SYNE1: variants seen among roughly 807,000 people sequenced by gnomAD.
SYNE1 encodes spectrin repeat containing nuclear envelope protein 1.
SYNE1 carries 616 observed loss-of-function variants against 1,111.0 expected under a neutral mutation model. The observed-to-expected ratio is 0.55, with a 90% CI of 0.52 to 0.59. The LOEUF (loss-of-function observed/expected upper bound fraction) is 0.59, where lower values mean the gene tolerates loss of function less well. SYNE1 is among the 20% of genes least tolerant of loss of function. The pLI is 0.00. For missense variants in SYNE1, 10,006 were observed against 10,417.0 expected, an observed-to-expected ratio of 0.96 and a Z score of 1.72; for synonymous variants, 3,855 against 3,825.8, an observed-to-expected ratio of 1.01 and a Z score of -0.28.
chr6:152,166,720 G>T (rs556341282), intron 130 of SYNE1, among the ~76,000 whole-genome samples: 1 of 152,148 alleles, frequency 6.6e-6, no homozygotes, highest in Non-Finnish European at 1.5e-5. Flanking sequence ...TAGTAAAGTC[G>T]ACGGGGGTGA....
chr6:152,596,309 C>A (rs2099581658), intron 3 of SYNE1, among the ~76,000 whole-genome samples: 1 of 147,040 alleles, frequency 6.8e-6, no homozygotes, highest in Non-Finnish European at 1.5e-5. Flanking sequence ...ACTGTGTTGC[C>A]CAGGCGATCT....
chr6:152,535,993 A>G (rs1398794699), intron 4 of SYNE1, among the ~76,000 whole-genome samples: 1 of 152,092 alleles, frequency 6.6e-6, no homozygotes, highest in East Asian at 1.9e-4. Flanking sequence ...AATTCCTTCA[A>G]ATTTAAGTCC....
chr6:152,453,653 T>C lies in SYNE1; in HGVS notation c.2960A>G (p.Asp987Gly), dbSNP rs1196460945. The change falls in exon 25 of 146, where the codon GAC becomes GGC. Residue 987 changes from aspartate to glycine, a missense_variant. Physicochemically the swap from Asp to Gly is moderately conservative, Grantham distance 94 (BLOSUM62 -1). Coordinates refer to ENST00000367255, the MANE Select transcript of SYNE1 (RefSeq NM_182961.4). ...AFLKACDELT[D>G]ILPEQEQQGL... ...CTGCTGCTCCTGCTCTGGAAGGATGTCGGTGAGTTCATCACAAGCTTTCAG... is the reference window on the plus strand; with the variant it reads ...CTGCTGCTCCTGCTCTGGAAGGATGCCGGTGAGTTCATCACAAGCTTTCAG... 1.9e-6 allele frequency: 3 copies of C among 1,614,216 alleles called. No individual in the cohort carries two copies. The highest frequency in any genetic ancestry group is 2.5e-6 in the Non-Finnish European group (3 of 1,180,040).
intron 77 of SYNE1, among the ~76,000 whole-genome samples, chr6:152,333,400 T>C (rs2096295509): frequency 6.6e-6 from 1 of 152,196 alleles, no homozygotes. Flanking sequence ...CATGAATTCA[T>C]AGATGATATC....
chr6:152,462,884 G>A lies in SYNE1; in HGVS notation c.2104C>T (p.Gln702Ter). The A allele has an allele frequency of 6.2e-7, 1 of 1,613,820 alleles. No individual in the cohort carries two copies. Among genetic ancestry groups the A allele is most frequent in the Non-Finnish European group, 8.5e-7 (1 of 1,179,882 alleles). Reference sequence around the variant, plus strand: ...TTCATTCTGTCCATCTCATCAGCTTGAGCATACTGTTAAGGAAAGGGAGGA... The same window carrying A: ...TTCATTCTGTCCATCTCATCAGCTTAAGCATACTGTTAAGGAAAGGGAGGA... The part of the protein sequence containing the change: ...ELFMEVKQYA[Q>*]ADEMDRMKKE... The change falls in exon 20 of 146, where the codon CAA becomes TAA. Residue 702 changes from glutamine to a stop codon, truncating the protein, a stop_gained. Coordinates refer to ENST00000367255, the MANE Select transcript of SYNE1 (RefSeq NM_182961.4). LOFTEE classifies it high-confidence loss of function.
chr6:152,446,106 CA>C (rs1372989178), intron 29 of SYNE1, among the ~76,000 whole-genome samples: 6 of 129,166 alleles, frequency 4.6e-5, no homozygotes, highest in African/African-American at 6.1e-5. Context: ...TAAAGACAGT[CA>C]ATTTTTTTTT....
chr6:152,202,787 A>G (rs1381416561), intron 126 of SYNE1, among the ~76,000 whole-genome samples: 1 of 152,144 alleles, frequency 6.6e-6, no homozygotes, highest in Non-Finnish European at 1.5e-5. Flanking sequence ...AAAAAAAAAG[A>G]GGATATGGCA....
chr6:152,474,241 C>T (rs911286232), intron 14 of SYNE1, among the ~76,000 whole-genome samples: 14 of 152,046 alleles, frequency 9.2e-5, no homozygotes, highest in Admixed American at 7.2e-4. Flanking sequence ...TCTGAAAGGC[C>T]ATCTCACTAT....
intron 128 of SYNE1, 84 bp from the exon 129 acceptor site, chr6:152,180,378 A>G: frequency 7.6e-7 from 1 of 1,320,610 alleles, no homozygotes; most frequent in Non-Finnish European, 1.1e-6. Flanking sequence ...ATAAACTAGG[A>G]CTAAAATGAA....
intron 127 of SYNE1, among the ~76,000 whole-genome samples, chr6:152,198,513 A>T (rs867883606): frequency 1.3e-5 from 2 of 152,360 alleles, no homozygotes; most frequent in Middle Eastern, 3.4e-3. Flanking sequence ...GTGGCACAAG[A>T]GGCCTAGCTT....
intron 14 of SYNE1, chr6:152,478,625 T>C (rs1030612663): frequency 2.6e-5 from 4 of 152,362 alleles, no homozygotes; most frequent in African/African-American, 7.2e-5. Flanking sequence ...TGATTGCTTC[T>C]ATTTTCTCAA....
intron 3 of SYNE1, among the ~76,000 whole-genome samples, chr6:152,571,101 T>C (rs2099453103): frequency 6.6e-6 from 1 of 152,226 alleles, no homozygotes; most frequent in East Asian, 1.9e-4. Context: ...TATTTTTCAA[T>C]TGACAACTTT....
chr6:152,367,150 T>G (rs1284136693), intron 62 of SYNE1, 68 bp downstream of exon 62: 8 of 1,589,452 alleles, frequency 5.0e-6, no homozygotes, highest in Non-Finnish European at 6.0e-6. Flanking sequence ...CCCAGGTGGA[T>G]GGAGACGGGA....
At chr6:152,168,551 C>T (rs1182116350) in intron 130 of SYNE1, among the ~76,000 whole-genome samples, 1 of 152,222 alleles carries the variant, frequency 6.6e-6, no homozygotes, top group Non-Finnish European at 1.5e-5. Flanking sequence ...TCTGTAAGGA[C>T]AGTCAACTTT....
At chr6:152,463,567 T>C in intron 18 of SYNE1, 50 bp from the exon 19 acceptor site, 1 of 1,468,332 alleles carries the variant, frequency 6.8e-7, no homozygotes, top group Non-Finnish European at 9.5e-7. Context: ...CAAATATCAG[T>C]GACTGATATG....
rs1252974136 is a variant in SYNE1 at position 152,249,215 on chromosome 6, G to A, written c.19518C>T (p.Ile6506=). 3 of 1,614,022 alleles carry A rather than the reference G, an allele frequency of 1.9e-6. No homozygotes were observed. The East Asian group carries it at 6.7e-5, about 36-fold the overall frequency. The change falls in exon 105 of 146, where the codon ATC becomes ATT. Residue 6506 remains isoleucine, a synonymous_variant. Coordinates refer to ENST00000367255, the MANE Select transcript of SYNE1 (RefSeq NM_182961.4). ...LFTSLADNKY[I]ILQKLANVFE... is the part of the protein sequence containing the mutation. ...ACACATTTGCCAGTTTTTGCAGAAT[G>A]ATGTATTTGTTGTCAGCCAGTGATG... is the stretch of plus-strand genomic sequence containing the variant.
At chr6:152,556,838 C>T (rs916626025) in intron 3 of SYNE1, among the ~76,000 whole-genome samples, 1 of 152,156 alleles carries the variant, frequency 6.6e-6, no homozygotes, top group Non-Finnish European at 1.5e-5. Flanking sequence ...AGTCTGAAGA[C>T]TGGCAAATGT....
At chr6:152,508,744 G>GT (rs927793919) in intron 8 of SYNE1, among the ~76,000 whole-genome samples, 2 of 152,248 alleles carry the variant, frequency 1.3e-5, no homozygotes, top group East Asian at 3.9e-4. Context: ...TGTGGGAAGG[G>GT]TTTTTTATTT....
At chr6:152,243,670 AT>A (rs2086344939) in intron 106 of SYNE1, among the ~76,000 whole-genome samples, 1 of 152,236 alleles carries the variant, frequency 6.6e-6, no homozygotes, top group African/African-American at 2.4e-5. Flanking sequence ...TACAGTTAAA[AT>A]AAAAATGTTC....
Sources: allele counts gnomAD v4.1 joint callset (sites outside exome capture counted in the v4.1 genomes callset), GRCh38; gene constraint gnomAD v4.1.1; transcripts MANE v1.5; gene names NCBI Gene and HGNC (gene_info 2026-07-23, HGNC 2026-07-21).